The following WWC2 variants were observed in gnomAD, a reference collection of about 807,000 sequenced individuals.
WWC2 encodes the protein WW and C2 domain containing 2.
WWC2 carries 101 observed loss-of-function variants against 138.5 expected under a neutral mutation model. The observed-to-expected ratio is 0.73, with a 90% CI of 0.62 to 0.86. The LOEUF (loss-of-function observed/expected upper bound fraction) is 0.86, where lower values mean the gene tolerates loss of function less well. WWC2 is among the 40% of genes least tolerant of loss of function. The pLI is 0.00. For synonymous variants in WWC2, 558 were observed against 538.4 expected (o/e 1.04, Z -0.50); for missense variants, 1,420 against 1,419.4 (o/e 1.00, Z -0.01).
chr4:183,312,913 G>A (rs1435957879), intron 22 of WWC2, among the ~76,000 whole-genome samples: 2 of 152,208 alleles, frequency 1.3e-5, no homozygotes, highest in Non-Finnish European at 2.9e-5. Flanking sequence ...GGCAGGGATA[G>A]GCGGGTAACC....
chr4:183,278,538 G>A lies in WWC2; in HGVS notation c.2563-2238G>A, dbSNP rs1221283383. ...AGAAAGGCATTGGTAGCTTGATGGG[G>A]ATGGCATTGAATCTGTAAATTACCT... On this transcript the variant is annotated intron_variant, in intron 16 of 22. Coordinates refer to ENST00000403733, the MANE Select transcript of WWC2 (RefSeq NM_024949.6). 3.9e-5 allele frequency among the ~76,000 whole-genome samples: 6 copies of A among 152,014 alleles called. No individual in the cohort carries two copies. In the East Asian group the frequency reaches 1.2e-3, roughly 29 times the overall value.
intron 21 of WWC2, among the ~76,000 whole-genome samples, chr4:183,296,789 C>T (rs1158698930): frequency 6.6e-6 from 1 of 151,732 alleles, no homozygotes; most frequent in Non-Finnish European, 1.5e-5. Flanking sequence ...AAAAAATTAG[C>T]GAGGCATGGT....
intron 1 of WWC2, among the ~76,000 whole-genome samples, chr4:183,151,497 C>T (rs1368069345): frequency 1.4e-5 from 2 of 144,126 alleles, no homozygotes; most frequent in South Asian, 2.2e-4. Context: ...GTTGCCTGTT[C>T]ACTCTGATGG....
chr4:183,311,577 G>A (rs1739242532), intron 21 of WWC2, among the ~76,000 whole-genome samples: 1 of 133,712 alleles, frequency 7.5e-6, no homozygotes, highest in African/African-American at 2.7e-5. Context: ...TATGTGTGCA[G>A]GTTTTTTTTT....
chr4:183,158,636 G>C (rs1419939981), intron 1 of WWC2, among the ~76,000 whole-genome samples: 1 of 151,952 alleles, frequency 6.6e-6, no homozygotes, highest in African/African-American at 2.4e-5. Context: ...TAGGACTTGA[G>C]CACGAATTTT....
At chr4:183,289,694 A>G (rs1738376209) in intron 21 of WWC2, 59 bp downstream of exon 21, 6 of 1,575,956 alleles carry the variant, frequency 3.8e-6, no homozygotes, top group Non-Finnish European at 5.2e-6. Context: ...AAAGCGTGCC[A>G]TGTAGAAGGT....
At chr4:183,307,166 A>G (rs1304957878) in intron 21 of WWC2, among the ~76,000 whole-genome samples, 1 of 152,262 alleles carries the variant, frequency 6.6e-6, no homozygotes, top group Non-Finnish European at 1.5e-5. Context: ...TTAAACTAGA[A>G]ATCAGTAACA....
chr4:183,308,483 G>C (rs572260344), intron 21 of WWC2, among the ~76,000 whole-genome samples: 1 of 152,194 alleles, frequency 6.6e-6, no homozygotes, highest in Admixed American at 6.5e-5. Context: ...TAAAGCTATG[G>C]TAATCAAGGC....
intron 21 of WWC2, among the ~76,000 whole-genome samples, chr4:183,300,627 G>A (rs980487574): frequency 6.6e-6 from 1 of 152,088 alleles, no homozygotes; most frequent in Non-Finnish European, 1.5e-5. Flanking sequence ...CACCTAATTT[G>A]TGGAGAAAGA....
chr4:183,175,733 G>A (rs1734449529), intron 1 of WWC2, among the ~76,000 whole-genome samples: 1 of 152,118 alleles, frequency 6.6e-6, no homozygotes, highest in African/African-American at 2.4e-5. Context: ...AGCACCTATA[G>A]AAAAAGATAA....
intron 2 of WWC2, chr4:183,203,656 C>G (rs965650944): frequency 6.6e-6 from 1 of 151,142 alleles, no homozygotes; most frequent in African/African-American, 2.4e-5. Context: ...ACTAATGGTA[C>G]ACAAAAATGA....
At chr4:183,193,191 T>A (rs1465443235) in intron 1 of WWC2, among the ~76,000 whole-genome samples, 1 of 152,204 alleles carries the variant, frequency 6.6e-6, no homozygotes, top group Non-Finnish European at 1.5e-5. Context: ...AGTCTGAAAT[T>A]AGTGTAACCT....
In WWC2 at chr4:183,265,017, T is replaced by G; in HGVS notation, c.1949T>G (p.Leu650Trp). The part of the protein sequence containing the change: ...KSLPKRRVIH[L>W]LGEKTTCVSA... ...TTACCAAAAAGAAGAGTGATCCACT[T>G]GCTTGGGGAGAAAACCACTTGTGTG... The change falls in exon 12 of 23, where the codon TTG (leucine) becomes TGG (tryptophan). Residue 650 changes from leucine to tryptophan, a missense_variant. Transcript: ENST00000403733. 6.2e-7 allele frequency: 1 copy of G among 1,613,478 alleles called. No individual in the cohort carries two copies. The highest frequency in any genetic ancestry group is 1.3e-5 in the African/African-American group (1 of 75,040).
intron 4 of WWC2, among the ~76,000 whole-genome samples, chr4:183,210,154 A>C (rs1735556192): frequency 1.3e-5 from 2 of 152,328 alleles, no homozygotes; most frequent in African/African-American, 4.8e-5. Context: ...GATTATTAAA[A>C]ATTATGCCTT....
chr4:183,224,897 C>T (rs550082722), intron 4 of WWC2, among the ~76,000 whole-genome samples: 2 of 152,126 alleles, frequency 1.3e-5, no homozygotes, highest in Non-Finnish European at 2.9e-5. Flanking sequence ...TTTGTGCTCA[C>T]AGATTTAAAC....
chr4:183,109,517 T>G (rs1031375314), intron 1 of WWC2, among the ~76,000 whole-genome samples: 2 of 152,180 alleles, frequency 1.3e-5, no homozygotes, highest in African/African-American at 4.8e-5. Flanking sequence ...CTGTTGGATC[T>G]CAGATCATCA....
chr4:183,135,519 ATG>A (rs1733082922), intron 1 of WWC2, among the ~76,000 whole-genome samples: 1 of 151,976 alleles, frequency 6.6e-6, no homozygotes, highest in Non-Finnish European at 1.5e-5. Context: ...CCCAATTTAT[ATG>A]CTACTTTTGT....
intron 1 of WWC2, among the ~76,000 whole-genome samples, chr4:183,144,179 C>T (rs1400217971): frequency 6.6e-6 from 1 of 152,066 alleles, no homozygotes; most frequent in East Asian, 1.9e-4. Context: ...ATTTGAATTA[C>T]CTAGTATTTG....
chr4:183,229,938 C>T (rs1736192790), intron 4 of WWC2, among the ~76,000 whole-genome samples: 1 of 152,064 alleles, frequency 6.6e-6, no homozygotes, highest in Non-Finnish European at 1.5e-5. Flanking sequence ...AATCCTCCCA[C>T]CTCAGCTTCC....
Sources: allele counts gnomAD v4.1 joint callset (sites outside exome capture counted in the v4.1 genomes callset), GRCh38; gene constraint gnomAD v4.1.1; transcripts MANE v1.5; gene names NCBI Gene and HGNC (gene_info 2026-07-23, HGNC 2026-07-21).